MED27: variants seen among roughly 807,000 people sequenced by gnomAD.
The protein encoded by MED27 is mediator complex subunit 27.
A neutral mutation model predicts 38.2 loss-of-function variants in MED27; 30 were observed. That is an observed-to-expected ratio of 0.79 (90% CI 0.59 to 1.07). MED27 has a LOEUF of 1.07. MED27 is among the 50% of genes least tolerant of loss of function. The probability of loss-of-function intolerance (pLI) is 0.00; values close to 1 mark genes in which losing one functional copy is unlikely to be tolerated. For synonymous variants in MED27, 122 were observed against 153.5 expected (o/e 0.79, Z 1.52); for missense variants, 289 against 397.5 (o/e 0.73, Z 2.32).
At chr9:131,941,834 T>G (rs904635535) in intron 3 of MED27, among the ~76,000 whole-genome samples, 4 of 137,022 alleles carry the variant, frequency 2.9e-5, no homozygotes, top group African/African-American at 1.1e-4. Flanking sequence ...TTTTTTTTTT[T>G]TTTTTTTTTG....
chr9:132,060,443 C>A (rs188632980), intron 2 of MED27, among the ~76,000 whole-genome samples: 1 of 152,312 alleles, frequency 6.6e-6, no homozygotes, highest in Admixed American at 6.5e-5. Flanking sequence ...CCTTTCTCAT[C>A]AGTTGGACAA....
intron 3 of MED27, among the ~76,000 whole-genome samples, chr9:131,967,212 C>T (rs977084233): frequency 6.6e-6 from 1 of 152,160 alleles, no homozygotes; most frequent in Admixed American, 6.5e-5. Flanking sequence ...AATATAAACT[C>T]TAGGCCATTC....
intron 4 of MED27, among the ~76,000 whole-genome samples, chr9:131,903,543 C>T (rs1269435754): frequency 6.6e-6 from 1 of 152,196 alleles, no homozygotes; most frequent in African/African-American, 2.4e-5. Flanking sequence ...GATACTGCTT[C>T]TGCCATGTAC....
chr9:132,057,873 G>A (rs1175469537), intron 2 of MED27, among the ~76,000 whole-genome samples: 1 of 152,202 alleles, frequency 6.6e-6, no homozygotes, highest in Non-Finnish European at 1.5e-5. Context: ...GAAATGGCAT[G>A]CACCAACAAT....
At chr9:131,882,439 G>A (rs1015820813) in intron 6 of MED27, among the ~76,000 whole-genome samples, 5 of 152,164 alleles carry the variant, frequency 3.3e-5, no homozygotes, top group South Asian at 2.1e-4. Context: ...ACTTTAAAAC[G>A]GTTAATTTCA....
chr9:132,023,844 T>A (rs2131091367), intron 2 of MED27, among the ~76,000 whole-genome samples: 1 of 152,306 alleles, frequency 6.6e-6, no homozygotes, highest in South Asian at 2.1e-4. Context: ...AGCTGCTTAG[T>A]TAGGAGGCAT....
intron 4 of MED27, among the ~76,000 whole-genome samples, chr9:131,926,585 C>T (rs1293779184): frequency 1.3e-5 from 2 of 152,256 alleles, no homozygotes; most frequent in African/African-American, 4.8e-5. Context: ...TTCCCACAAA[C>T]TACGCTGGTG....
chr9:132,009,701 C>T (rs747575356), intron 3 of MED27, among the ~76,000 whole-genome samples: 4 of 152,234 alleles, frequency 2.6e-5, no homozygotes, highest in Non-Finnish European at 4.4e-5. Context: ...AAACGAGCCA[C>T]TCCTGGATTC....
At chr9:131,989,885 A>G (rs1831934021) in intron 3 of MED27, among the ~76,000 whole-genome samples, 2 of 152,122 alleles carry the variant, frequency 1.3e-5, no homozygotes, top group African/African-American at 2.4e-5. Flanking sequence ...TTAGGAAGCA[A>G]TGTATCTACC....
At chr9:132,060,616 T>C (rs1833677524) in intron 2 of MED27, among the ~76,000 whole-genome samples, 1 of 152,222 alleles carries the variant, frequency 6.6e-6, no homozygotes, top group East Asian at 1.9e-4. Context: ...GCACACTGTG[T>C]TGCTCAACTG....
intron 3 of MED27, among the ~76,000 whole-genome samples, chr9:132,013,744 A>G (rs2131075903): frequency 6.6e-6 from 1 of 152,306 alleles, no homozygotes; most frequent in East Asian, 1.9e-4. Flanking sequence ...TGGGAATGTG[A>G]TAAGGAAACA....
chr9:132,046,666 C>T (rs764184418), intron 2 of MED27, among the ~76,000 whole-genome samples: 12 of 152,120 alleles, frequency 7.9e-5, no homozygotes, highest in Admixed American at 6.5e-4. Context: ...ATGACACTGG[C>T]ATTAGCAGCT....
At chr9:132,062,316 G>T (rs894360756) in intron 2 of MED27, among the ~76,000 whole-genome samples, 1 of 152,212 alleles carries the variant, frequency 6.6e-6, no homozygotes, top group African/African-American at 2.4e-5. Flanking sequence ...ACACGGGAGC[G>T]GGCAGGTGGC....
chr9:131,938,862 C>T (rs1432822815), intron 4 of MED27, among the ~76,000 whole-genome samples: 2 of 151,984 alleles, frequency 1.3e-5, no homozygotes, highest in Non-Finnish European at 2.9e-5. Context: ...TACAGGCACC[C>T]ACCACCACAC....
Position 131,893,948 on chromosome 9 carries a change from G to A in MED27, c.618C>T (p.Ser206=), listed in dbSNP as rs768477755. The change falls in exon 5 of 8, where the codon AGC becomes AGT. Residue 206 remains serine (S), a synonymous_variant. Transcript: ENST00000292035. ...TTACTATTGTTCGATCAATGAACAG[G>A]CTCCGCATGACGACGATCACTTTCA... The part of the protein sequence containing the change: ...KVLKVIVVMR[S]LFIDRTIVKG... 12 of 1,614,152 alleles carry A rather than the reference G, an allele frequency of 7.4e-6. No individual in the cohort carries two copies. In the African/African-American group the frequency reaches 9.3e-5, roughly 13 times the overall value.
chr9:131,957,553 C>A (rs1053917777), intron 3 of MED27, among the ~76,000 whole-genome samples: 1 of 152,146 alleles, frequency 6.6e-6, no homozygotes, highest in African/African-American at 2.4e-5. Flanking sequence ...AGCTACAGAC[C>A]ATGTGCCTGG....
chr9:132,010,624 A>T (rs1832465671), intron 3 of MED27, among the ~76,000 whole-genome samples: 1 of 152,240 alleles, frequency 6.6e-6, no homozygotes, highest in Non-Finnish European at 1.5e-5. Flanking sequence ...AAAGACTTGG[A>T]ACCAACCTAA....
intron 6 of MED27, among the ~76,000 whole-genome samples, chr9:131,878,310 TAAAATA>T (rs1838974639): frequency 6.8e-6 from 1 of 146,726 alleles, no homozygotes; most frequent in Non-Finnish European, 1.5e-5. Flanking sequence ...AATAAATAAA[TAAAATA>T]AAAATAATCA....
chr9:131,999,180 C>T (rs1226750470), intron 3 of MED27, among the ~76,000 whole-genome samples: 2 of 152,166 alleles, frequency 1.3e-5, no homozygotes, highest in African/African-American at 2.4e-5. Context: ...CTTTAAAAGA[C>T]ATACCTGGGA....
Sources: gnomAD v4.1 joint callset for allele counts (sites outside exome capture counted in the v4.1 genomes callset) on GRCh38, gnomAD v4.1.1 for gene constraint, MANE v1.5 for transcripts, NCBI Gene and HGNC (gene_info 2026-07-23, HGNC 2026-07-21) for gene names.